Variants in DOCK10 observed in about 807,000 individuals in gnomAD.
DOCK10 encodes dedicator of cytokinesis protein 10.
DOCK10 carries 145 observed loss-of-function variants against 280.1 expected under a neutral mutation model. That is an observed-to-expected ratio of 0.52 (90% confidence interval 0.45 to 0.59). The LOEUF (loss-of-function observed/expected upper bound fraction) is 0.59, where lower values mean the gene tolerates loss of function less well. Among genes scored for constraint, DOCK10 ranks in the 20% least tolerant of loss-of-function variants. The pLI, the probability that DOCK10 is intolerant of heterozygous loss-of-function variation, is 0.00. For missense variants in DOCK10, 2,368 were observed against 2,651.7 expected (o/e 0.89, Z 2.35); for synonymous variants, 915 against 942.2 (o/e 0.97, Z 0.53).
At chr2:224,795,749 T>C (rs927701154) in intron 44 of DOCK10, among the ~76,000 whole-genome samples, 4 of 152,236 alleles carry the variant, frequency 2.6e-5, no homozygotes, top group Non-Finnish European at 4.4e-5. Context: ...CAGCCATGAC[T>C]GAAGCCTGGC....
chr2:224,991,012 G>A (rs936947754), intron 1 of DOCK10, among the ~76,000 whole-genome samples: 1 of 152,228 alleles, frequency 6.6e-6, no homozygotes, highest in African/African-American at 2.4e-5. Flanking sequence ...AGAGCTTGCT[G>A]AACTAAGCTC....
At position 224,795,052 on chromosome 2, in the gene DOCK10, T is replaced by C; in HGVS notation, c.4981A>G (p.Ile1661Val). The C allele has an allele frequency of 6.2e-7, 1 of 1,614,028 alleles. No individual in the cohort carries two copies. Among genetic ancestry groups the C allele is most frequent in the Non-Finnish European group, 8.5e-7 (1 of 1,179,878 alleles). ...PAEVKDLTKR[I>V]RTVLMATAQM... The stretch of plus-strand genomic sequence containing the variant: ...GCTGTGGCCATCAAAACAGTCCTTA[T>C]ACGCTTAGTCAGGTCCTTCACCTCT... Residue 1661 changes from isoleucine to valine, a missense_variant, in exon 45 of 56, where the codon ATA becomes GTA. Coordinates refer to ENST00000258390, the MANE Select transcript of DOCK10 (RefSeq NM_014689.3).
chr2:224,877,800 T>C (rs1257390262), intron 7 of DOCK10, among the ~76,000 whole-genome samples: 2 of 152,214 alleles, frequency 1.3e-5, no homozygotes, highest in South Asian at 2.1e-4. Context: ...GGAACATACA[T>C]TCAAAGTGGA....
intron 1 of DOCK10, among the ~76,000 whole-genome samples, chr2:224,934,534 C>T (rs761098979): frequency 5.3e-5 from 8 of 152,206 alleles, no homozygotes; most frequent in African/African-American, 1.9e-4. Flanking sequence ...AGATGCTTTA[C>T]ACATCTGTGA....
chr2:224,887,362 A>G (rs1173061556), intron 4 of DOCK10, among the ~76,000 whole-genome samples: 1 of 152,178 alleles, frequency 6.6e-6, no homozygotes, highest in East Asian at 1.9e-4. Context: ...AATGTGCACC[A>G]AAGGGACTGG....
intron 3 of DOCK10, among the ~76,000 whole-genome samples, chr2:224,897,566 G>A (rs369993710): frequency 2.6e-5 from 4 of 151,586 alleles, no homozygotes; most frequent in East Asian, 1.9e-4. Context: ...CCCAGCCTCC[G>A]GTAACCACCC....
intron 50 of DOCK10, among the ~76,000 whole-genome samples, chr2:224,780,373 A>G (rs1274447930): frequency 6.6e-6 from 1 of 152,200 alleles, no homozygotes; most frequent in Non-Finnish European, 1.5e-5. Context: ...CTGACACATC[A>G]GAGAAATAAG....
rs1693337121 is a variant in DOCK10, at chr2:224,805,467, G to C, written c.3877C>G (p.Leu1293Val). 3.7e-6 allele frequency: 6 copies of C among 1,612,748 alleles called. No individual in the cohort carries two copies. Among genetic ancestry groups the C allele is most frequent in the Non-Finnish European group, 5.1e-6 (6 of 1,179,168 alleles). ...HADSRASLAS[L>V]DSNPSTNEKS... ...TCATTGGTACTTGGATTGGAGTCAA[G>C]ACTTGCTAAAGATGCTCTGGAGTCA... The change falls in exon 35 of 56, where the codon CTT becomes GTT. Residue 1293 changes from leucine (L) to valine (V), a missense_variant. By Grantham distance (32) the Leu-to-Val change is conservative. This residue lies in a region of DOCK10 where 1,159 missense variants were observed against 1,400.8 expected (regional missense o/e 0.83). Coordinates refer to ENST00000258390, the MANE Select transcript of DOCK10 (RefSeq NM_014689.3). The surrounding 1 kb of genome is among the most constrained non-coding windows in gnomAD (Gnocchi z 4.3).
At chr2:224,859,482 C>T (rs1312632593) in intron 14 of DOCK10, among the ~76,000 whole-genome samples, 6 of 152,080 alleles carry the variant, frequency 3.9e-5, no homozygotes, top group African/African-American at 1.2e-4. Context: ...GTTCTCTATT[C>T]CTCCCCCAAG....
intron 39 of DOCK10, 71 bp downstream of exon 39, chr2:224,804,040 CT>C (rs1306392965): frequency 1.6e-5 from 13 of 795,098 alleles, no homozygotes; most frequent in African/African-American, 1.2e-4. Flanking sequence ...GTGTCTACCC[CT>C]GACATGTGCA....
At chr2:224,780,732 C>G (rs1691268334) in intron 50 of DOCK10, among the ~76,000 whole-genome samples, 1 of 151,990 alleles carries the variant, frequency 6.6e-6, no homozygotes, top group Non-Finnish European at 1.5e-5. Flanking sequence ...GAAACCCCGT[C>G]TCTCTAAAAA....
chr2:225,026,529 A>G (rs946114447), intron 1 of DOCK10, among the ~76,000 whole-genome samples: 3 of 152,192 alleles, frequency 2.0e-5, no homozygotes, highest in African/African-American at 7.2e-5. Flanking sequence ...TGGAGCATGA[A>G]CTGATGTGGA....
At chr2:225,024,735 A>G (rs1559973476) in intron 1 of DOCK10, among the ~76,000 whole-genome samples, 1 of 151,478 alleles carries the variant, frequency 6.6e-6, no homozygotes, top group Non-Finnish European at 1.5e-5. Context: ...TACAAAAAAA[A>G]AAAAATTTAG....
intron 2 of DOCK10, 141 bp from the exon 3 acceptor site, chr2:224,916,925 C>T (rs1701361468): frequency 3.1e-6 from 2 of 635,750 alleles, no homozygotes; most frequent in Non-Finnish European, 5.5e-6. Flanking sequence ...TGTAGTTCTT[C>T]CCAATTTAAT....
At position 225,042,443 on chromosome 2, in the gene DOCK10, C is replaced by G. The variant is rs918573701; in HGVS notation, c.-69G>C. 11 of 1,223,864 alleles carry G rather than the reference C, an allele frequency of 9.0e-6. No homozygotes were observed. The highest frequency in any genetic ancestry group is 1.0e-5 in the Non-Finnish European group (10 of 980,736). 75.8% of individuals were successfully genotyped at this position (1,223,864 alleles called of 1,614,324 possible). A position where few individuals can be genotyped will look rare whatever the true frequency, so the allele number is the denominator to read the frequency against. ...CGCCGGTCTTCCCCGCGCCAACCTT[C>G]TCTATCCACCCGCCGTTCAGGAAGC... On this transcript the variant is annotated 5_prime_UTR_variant, in exon 1 of 56. Transcript: ENST00000258390. This position sits in a 1 kb window ranked among gnomAD's most constrained non-coding sequence, Gnocchi z 5.1.
At position 224,845,234 on chromosome 2, in the gene DOCK10, T is replaced by C; in HGVS notation, c.2450A>G (p.Tyr817Cys). ...ACTTGCAGAATCTTGAAAGCTTAAA[T>C]AATTAGGAGGCAGACTTGTTGCTAT... Reference protein sequence around the residue: ...IPIATSLPPNYLSFQDSASGK... With the variant: ...IPIATSLPPNCLSFQDSASGK... The change falls in exon 21 of 56, where the codon TAT becomes TGT. Residue 817 changes from tyrosine (Y) to cysteine (C), a missense_variant. Physicochemically the swap from Tyr to Cys is radical, Grantham distance 194 (BLOSUM62 -2). Coordinates refer to ENST00000258390, the MANE Select transcript of DOCK10 (RefSeq NM_014689.3). 1 of 1,581,826 alleles carries C rather than the reference T, an allele frequency of 6.3e-7. No homozygotes were observed. Among genetic ancestry groups the C allele is most frequent in the African/African-American group, 1.3e-5 (1 of 74,516 alleles).
At position 224,911,392 on chromosome 2, in the gene DOCK10, C is replaced by T. The variant is rs368510388; in HGVS notation, c.333+5303G>A. Among the ~76,000 whole-genome samples the T allele has an allele frequency of 9.8e-5, 15 of 152,298 alleles. No individual in the cohort carries two copies. The South Asian group carries it at 3.1e-3, about 32-fold the overall frequency. ...GAGGTAGAAGCTCTTGAAGCACAAG[C>T]AAAACTGAAGGCCTCTGGGAACCCT... On this transcript the variant is annotated intron_variant, in intron 3 of 55. Transcript: ENST00000258390.
intron 15 of DOCK10, among the ~76,000 whole-genome samples, chr2:224,855,650 C>T (rs983095098): frequency 6.6e-6 from 1 of 152,186 alleles, no homozygotes; most frequent in Admixed American, 6.5e-5. Flanking sequence ...CCCACTCTCT[C>T]TCTATTAAAA....
Position 224,793,038 on chromosome 2 carries a change from G to A in DOCK10, c.5247C>T (p.Ser1749=), listed in dbSNP as rs373633026. 3 of 1,613,372 alleles carry A rather than the reference G, an allele frequency of 1.9e-6. No individual in the cohort carries two copies. The highest frequency in any genetic ancestry group is 2.5e-6 in the Non-Finnish European group (3 of 1,179,652). The change falls in exon 47 of 56, where the codon TCC becomes TCT. Residue 1749 remains serine (S), a synonymous_variant. Coordinates refer to ENST00000258390, the MANE Select transcript of DOCK10 (RefSeq NM_014689.3). ...YWKVEKICTA[S]LLSEDTHPCD... ...AGGGGTGGGTATCCTCCGAGAGCAG[G>A]GATGCTGTGCAAATCTTTTCCACTT... is the stretch of plus-strand genomic sequence containing the variant.
Sources: gnomAD v4.1 joint callset for allele counts (sites outside exome capture counted in the v4.1 genomes callset) on GRCh38, gnomAD v4.1.1 for gene constraint, gnomAD v4.1.1 regional missense constraint, Gnocchi (gnomAD v3.1) non-coding constraint, MANE v1.5 for transcripts, NCBI Gene and HGNC (gene_info 2026-07-23, HGNC 2026-07-21) for gene names.